Variants in CCNT2 observed in about 807,000 individuals in gnomAD.
The protein encoded by CCNT2 is cyclin-T2.
CCNT2 carries 18 observed loss-of-function variants against 70.0 expected under a neutral mutation model. The ratio of observed to expected loss-of-function variants is 0.26; its 90% CI spans 0.18 to 0.38. CCNT2 has a LOEUF of 0.38. Among genes scored for constraint, CCNT2 ranks in the 10% least tolerant of loss-of-function variants. The pLI, the probability that CCNT2 is intolerant of heterozygous loss-of-function variation, is 1.00. For synonymous variants in CCNT2, 334 were observed against 313.3 expected (o/e 1.07, Z -0.70); for missense variants, 734 against 890.2 (o/e 0.82, Z 2.23).
At position 134,953,678 on chromosome 2, in the gene CCNT2, A is replaced by C. The variant is rs1682702732; in HGVS notation, c.1223A>C (p.Gln408Pro). 1 of 1,613,928 alleles carries C rather than the reference A, an allele frequency of 6.2e-7. No homozygotes were observed. Among genetic ancestry groups the C allele is most frequent in the Non-Finnish European group, 8.5e-7 (1 of 1,179,870 alleles). ...ATTTCAGATCATTCTTCTGTTAAGCAAGAATATACTCATAAAGCAGGGAGC... is the reference window on the plus strand; with the variant it reads ...ATTTCAGATCATTCTTCTGTTAAGCCAGAATATACTCATAAAGCAGGGAGC... ...DKISDHSSVKQEYTHKAGSSK... is the reference protein window; with the variant it reads ...DKISDHSSVKPEYTHKAGSSK... The change falls in exon 9 of 9, where the codon CAA becomes CCA. Residue 408 changes from glutamine to proline, a missense_variant. Gln to Pro is a moderately conservative substitution (Grantham distance 76, BLOSUM62 -1). Coordinates refer to ENST00000264157, the MANE Select transcript of CCNT2 (RefSeq NM_058241.3).
intron 5 of CCNT2, 111 bp from the exon 6 acceptor site, chr2:134,945,990 A>G: frequency 6.2e-7 from 1 of 1,600,428 alleles, no homozygotes; most frequent in Non-Finnish European, 8.5e-7. Context: ...GTAGTAAGTA[A>G]AATTTACTTT....
In CCNT2 at chr2:134,953,411, A is replaced by C. The variant is rs769994576; in HGVS notation, c.956A>C (p.Asn319Thr). 5.0e-6 allele frequency: 8 copies of C among 1,607,036 alleles called. No individual in the cohort carries two copies. The highest frequency in any genetic ancestry group is 3.4e-6 in the Non-Finnish European group (4 of 1,176,316). ...GCGCCAGTACCTCTAAATTCAGGAA[A>C]TATTTCTGTTCAAGACAGCCATACA... The part of the protein sequence containing the change: ...FPAPVPLNSG[N>T]ISVQDSHTSD... The change falls in exon 9 of 9, where the codon AAT becomes ACT. Residue 319 changes from asparagine (N) to threonine (T), a missense_variant. Physicochemically the swap from Asn to Thr is moderately conservative, Grantham distance 65. Around this residue, in one of 3 missense-constraint regions of CCNT2, gnomAD observed 532 missense variants for 556.9 expected, o/e 0.96. Transcript: ENST00000264157.
intron 2 of CCNT2, among the ~76,000 whole-genome samples, chr2:134,928,181 C>G (rs552082601): frequency 1.6e-4 from 25 of 151,704 alleles, no homozygotes; most frequent in Admixed American, 9.2e-4. Flanking sequence ...AGGCTAGTCT[C>G]GAACTCCTGA....
intron 7 of CCNT2, among the ~76,000 whole-genome samples, chr2:134,950,321 C>A (rs911732928): frequency 6.6e-6 from 1 of 152,124 alleles, no homozygotes; most frequent in Non-Finnish European, 1.5e-5. Flanking sequence ...TTAAGACTTT[C>A]ACCATGTTTT....
intron 6 of CCNT2, among the ~76,000 whole-genome samples, chr2:134,946,742 G>A (rs982350771): frequency 6.6e-6 from 1 of 150,464 alleles, no homozygotes; most frequent in African/African-American, 2.5e-5. Flanking sequence ...GTAAAAAATG[G>A]TATGTGTTTA....
chr2:134,926,936 C>G (rs1036373315), intron 2 of CCNT2, among the ~76,000 whole-genome samples: 3 of 152,198 alleles, frequency 2.0e-5, no homozygotes, highest in African/African-American at 7.2e-5. Flanking sequence ...AGATGATACA[C>G]TCATTTCCAG....
intron 3 of CCNT2, among the ~76,000 whole-genome samples, chr2:134,938,748 C>G (rs924002544): frequency 6.6e-6 from 1 of 152,194 alleles, no homozygotes; most frequent in African/African-American, 2.4e-5. Context: ...CTCCTTATTT[C>G]AATTAACTTA....
rs1380064661 is a variant in CCNT2, at chr2:134,918,909, G to A, written c.55G>A (p.Glu19Lys). 2.5e-6 allele frequency: 4 copies of A among 1,613,962 alleles called. No homozygotes were observed. The highest frequency in any genetic ancestry group is 3.4e-6 in the Non-Finnish European group (4 of 1,179,960). The part of the protein sequence containing the change: ...SRWFFTREQL[E>K]NTPSRRCGVE... ...CTGGTTCTTTACTCGGGAACAGCTG[G>A]AGAACACGCCGAGCCGCCGCTGCGG... The change falls in exon 1 of 9, where the codon GAG becomes AAG. Residue 19 changes from glutamate (E) to lysine (K), a missense_variant. By Grantham distance (56) the Glu-to-Lys change is moderately conservative. Coordinates refer to ENST00000264157, the MANE Select transcript of CCNT2 (RefSeq NM_058241.3).
At chr2:134,939,187 A>C in intron 4 of CCNT2, 125 bp downstream of exon 4, 2 of 672,038 alleles carry the variant, frequency 3.0e-6, no homozygotes. Flanking sequence ...TTTTAGACAG[A>C]ATAAGGTTGC....
At chr2:134,942,463 C>T (rs986951418) in intron 4 of CCNT2, 149 bp from the exon 5 acceptor site, 2 of 425,164 alleles carry the variant, frequency 4.7e-6, no homozygotes, top group Middle Eastern at 6.0e-4. Flanking sequence ...TATATCTTGT[C>T]ATTGGAAAAG....
intron 5 of CCNT2, chr2:134,944,985 A>G: frequency 5.1e-6 from 5 of 985,360 alleles, no homozygotes; most frequent in Non-Finnish European, 6.0e-6. Flanking sequence ...GAGATGAGAA[A>G]GTTGGTATTA....
intron 5 of CCNT2, chr2:134,945,822 G>T: frequency 7.0e-7 from 1 of 1,431,336 alleles, no homozygotes; most frequent in Non-Finnish European, 9.2e-7. Context: ...CTGACTAGAT[G>T]CTTAACTTAG....
At chr2:134,933,665 A>G (rs1376306928) in intron 2 of CCNT2, among the ~76,000 whole-genome samples, 2 of 152,206 alleles carry the variant, frequency 1.3e-5, no homozygotes, top group Non-Finnish European at 2.9e-5. Context: ...CCCTCCAAGA[A>G]TTAAGTTTAC....
chr2:134,946,986 CTG>C (rs1326696863), intron 6 of CCNT2, among the ~76,000 whole-genome samples: 13 of 152,128 alleles, frequency 8.5e-5, no homozygotes, highest in African/African-American at 2.9e-4. Context: ...TCTCAAATAT[CTG>C]TTGTTGGTAT....
chr2:134,954,130 A>C lies in CCNT2; in HGVS notation c.1675A>C (p.Lys559Gln). 6.2e-7 allele frequency: 1 copy of C among 1,614,112 alleles called. No individual in the cohort carries two copies. The highest frequency in any genetic ancestry group is 1.1e-5 in the South Asian group (1 of 91,080). ...ACATATTAGCAGAGACCATAAGGAG[A>C]AGCACAAGGAGCATCCTTCAAGCCG... Reference protein sequence around the residue: ...SPHISRDHKEKHKEHPSSRHH... With the variant: ...SPHISRDHKEQHKEHPSSRHH... The change falls in exon 9 of 9, where the codon AAG becomes CAG. Residue 559 changes from lysine to glutamine, a missense_variant. Transcript: ENST00000264157.
intron 1 of CCNT2, 78 bp downstream of exon 1, chr2:134,919,090 C>G: frequency 6.8e-7 from 1 of 1,474,140 alleles, no homozygotes; most frequent in Non-Finnish European, 9.0e-7. Flanking sequence ...GCGAACATGG[C>G]GCCGCCGGCC....
At chr2:134,939,106 T>A in intron 4 of CCNT2, 44 bp downstream of exon 4, 2 of 1,167,254 alleles carry the variant, frequency 1.7e-6, no homozygotes, top group Non-Finnish European at 2.5e-6. Flanking sequence ...TGTATTTCAC[T>A]AAAGCATTCT....
At chr2:134,938,887 C>G in intron 3 of CCNT2, 115 bp from the exon 4 acceptor site, 2 of 609,334 alleles carry the variant, frequency 3.3e-6, no homozygotes, top group Non-Finnish European at 5.6e-6. Flanking sequence ...TCCATATTTT[C>G]AAACTACTGT....
chr2:134,942,658 T>C lies in CCNT2; in HGVS notation c.477T>C (p.Cys159=). 2 of 1,609,926 alleles carry C rather than the reference T, an allele frequency of 1.2e-6. No homozygotes were observed. Among genetic ancestry groups the C allele is most frequent in the Non-Finnish European group, 1.7e-6 (2 of 1,178,476 alleles). ...IEHPHTDVVK[C]TQLVRASKDL... ...ACCCACACACAGATGTGGTGAAATG[T>C]ACCCAGTTAGTAAGAGGTAGGTGAT... The change falls in exon 5 of 9, where the codon TGT becomes TGC. Residue 159 remains cysteine, a synonymous_variant. Transcript: ENST00000264157.
Sources: gnomAD v4.1 joint callset for allele counts (sites outside exome capture counted in the v4.1 genomes callset) on GRCh38, gnomAD v4.1.1 for gene constraint, gnomAD v4.1.1 regional missense constraint, MANE v1.5 for transcripts, NCBI Gene and HGNC (gene_info 2026-07-23, HGNC 2026-07-21) for gene names.